Variants in MACROD2 observed in about 807,000 individuals in gnomAD.
MACROD2 encodes the protein mono-ADP ribosylhydrolase 2.
In MACROD2, 36 loss-of-function variants were observed where a neutral mutation model predicts 70.4. The ratio of observed to expected loss-of-function variants is 0.51; its 90% CI spans 0.39 to 0.68. The LOEUF is 0.68. Ranked by LOEUF, MACROD2 falls within the 30% of genes least tolerant of loss-of-function variation. The probability of loss-of-function intolerance (pLI) is 0.00; values close to 1 mark genes in which losing one functional copy is unlikely to be tolerated. For synonymous variants in MACROD2, 172 were observed against 178.8 expected (o/e 0.96, Z 0.30); for missense variants, 496 against 538.4 (o/e 0.92, Z 0.78).
At chr20:14,002,186 C>A in intron 1 of MACROD2, 102 bp from the exon 2 acceptor site, 1 of 637,376 alleles carries the variant, frequency 1.6e-6, no homozygotes, top group Non-Finnish European at 2.6e-6. Context: ...AGGACTGTAT[C>A]AACTCTTTTG....
chr20:14,584,996 C>A (rs528631477), intron 4 of MACROD2, among the ~76,000 whole-genome samples: 1 of 152,274 alleles, frequency 6.6e-6, no homozygotes, highest in African/African-American at 2.4e-5. Flanking sequence ...CTTCTTTCAA[C>A]AAAGTTGGTC....
chr20:14,569,670 G>A (rs1402369972), intron 4 of MACROD2, among the ~76,000 whole-genome samples: 1 of 151,880 alleles, frequency 6.6e-6, no homozygotes, highest in Non-Finnish European at 1.5e-5. Flanking sequence ...AAAGTAAAAT[G>A]GAGTTAGGTT....
At chr20:15,421,372 CTG>C (rs1197204925) in intron 6 of MACROD2, among the ~76,000 whole-genome samples, 1 of 72,864 alleles carries the variant, frequency 1.4e-5, no homozygotes, top group African/African-American at 6.4e-5. Flanking sequence ...GAGTGAGACT[CTG>C]TCTCAAAACC....
intron 8 of MACROD2, among the ~76,000 whole-genome samples, chr20:15,726,588 ATC>A (rs1433093458): frequency 6.6e-6 from 1 of 152,064 alleles, no homozygotes; most frequent in African/African-American, 2.4e-5. Flanking sequence ...CTTTGCCAGC[ATC>A]TGTTATTTTT....
At chr20:15,219,103 A>T (rs1260094423) in intron 5 of MACROD2, among the ~76,000 whole-genome samples, 1 of 152,234 alleles carries the variant, frequency 6.6e-6, no homozygotes, top group Non-Finnish European at 1.5e-5. Context: ...ACCAGTTCAA[A>T]ATAAGTTCAA....
intron 5 of MACROD2, among the ~76,000 whole-genome samples, chr20:15,074,973 T>C (rs1246719230): frequency 6.6e-6 from 1 of 152,200 alleles, no homozygotes; most frequent in Non-Finnish European, 1.5e-5. Context: ...CATGGAAAGG[T>C]AAATGGCAAT....
At chr20:15,769,382 G>A (rs1380768555) in intron 8 of MACROD2, among the ~76,000 whole-genome samples, 3 of 152,046 alleles carry the variant, frequency 2.0e-5, no homozygotes, top group Admixed American at 6.6e-5. Context: ...CCGAACATCA[G>A]GTGATCTGCC....
chr20:15,937,418 C>T, intron 11 of MACROD2, 58 bp from the exon 12 acceptor site: 1 of 1,550,416 alleles, frequency 6.4e-7, no homozygotes, highest in Admixed American at 1.7e-5. Flanking sequence ...GCAGGAAAGC[C>T]ACAGCTGGAC....
At chr20:14,749,724 G>GTGTTTTAT (rs781341137) in intron 5 of MACROD2, among the ~76,000 whole-genome samples, 38 of 152,132 alleles carry the variant, frequency 2.5e-4, no homozygotes, top group Admixed American at 4.6e-4. Context: ...TAGTAATAGA[G>GTGTTTTAT]TGTTTTATTT....
intron 9 of MACROD2, among the ~76,000 whole-genome samples, chr20:15,868,860 T>C (rs1216460283): frequency 6.6e-6 from 1 of 152,046 alleles, no homozygotes; most frequent in East Asian, 1.9e-4. Context: ...CATAACTCAC[T>C]GCAGCCTCGA....
intron 3 of MACROD2, among the ~76,000 whole-genome samples, chr20:14,457,593 C>A (rs1052252405): frequency 6.6e-6 from 1 of 152,094 alleles, no homozygotes; most frequent in Non-Finnish European, 1.5e-5. Flanking sequence ...ATACAGAGAA[C>A]AATAACTTTT....
At chr20:14,637,785 C>T (rs866756694) in intron 4 of MACROD2, among the ~76,000 whole-genome samples, 1 of 151,912 alleles carries the variant, frequency 6.6e-6, no homozygotes, top group Non-Finnish European at 1.5e-5. Flanking sequence ...TTTTTCTCTT[C>T]GATGGAAGAA....
At chr20:15,025,286 A>C (rs1409829559) in intron 5 of MACROD2, among the ~76,000 whole-genome samples, 1 of 152,014 alleles carries the variant, frequency 6.6e-6, no homozygotes, top group African/African-American at 2.4e-5. Context: ...ATGTTCAATG[A>C]ATCAGTACAA....
intron 3 of MACROD2, among the ~76,000 whole-genome samples, chr20:14,437,818 T>A (rs1023493953): frequency 2.6e-5 from 4 of 152,190 alleles, no homozygotes; most frequent in Non-Finnish European, 5.9e-5. Context: ...AAGATGTTTT[T>A]AAATAAATTC....
chr20:14,696,800 A>C (rs1191671339), intron 5 of MACROD2, among the ~76,000 whole-genome samples: 1 of 152,092 alleles, frequency 6.6e-6, no homozygotes, highest in African/African-American at 2.4e-5. Context: ...CTCTCTTGGG[A>C]ATCCCTTTCT....
intron 5 of MACROD2, among the ~76,000 whole-genome samples, chr20:15,152,266 TC>T (rs2076275518): frequency 6.6e-6 from 1 of 151,786 alleles, no homozygotes; most frequent in African/African-American, 2.4e-5. Flanking sequence ...GGTTTTAAGT[TC>T]TTAAGAACGC....
chr20:15,021,221 G>T (rs142759514), intron 5 of MACROD2, among the ~76,000 whole-genome samples: 131 of 3,768 alleles, frequency 0.035, 3 homozygotes, highest in African/African-American at 0.15. Flanking sequence ...TACACATACA[G>T]GTGTGCGTAT....
At chr20:15,711,242 C>T (rs138836783) in intron 8 of MACROD2, among the ~76,000 whole-genome samples, 126 of 152,226 alleles carry the variant, frequency 8.3e-4, no homozygotes, top group African/African-American at 2.8e-3. Context: ...TCCAAAGCAG[C>T]GGACACTGGG....
chr20:14,480,264 T>C (rs1014145583), intron 3 of MACROD2, among the ~76,000 whole-genome samples: 1 of 152,176 alleles, frequency 6.6e-6, no homozygotes, highest in African/African-American at 2.4e-5. Flanking sequence ...ACCTGAAAAA[T>C]GGTTGTTAAA....
Sources: allele counts gnomAD v4.1 joint callset (sites outside exome capture counted in the v4.1 genomes callset), GRCh38; gene constraint gnomAD v4.1.1; transcripts MANE v1.5; gene names NCBI Gene and HGNC (gene_info 2026-07-23, HGNC 2026-07-21).